SLC47A2: variants seen among roughly 807,000 people sequenced by gnomAD.
The protein encoded by SLC47A2 is solute carrier family 47 member 2.
SLC47A2 carries 52 observed loss-of-function variants against 67.7 expected under a neutral mutation model. The ratio of observed to expected loss-of-function variants is 0.77; its 90% CI spans 0.61 to 0.97. The LOEUF is 0.97. Among genes scored for constraint, SLC47A2 ranks in the 50% least tolerant of loss-of-function variants. SLC47A2 has a pLI of 0.00. For missense variants in SLC47A2, 676 were observed against 712.3 expected, an observed-to-expected ratio of 0.95 and a Z score of 0.58; for synonymous variants, 278 against 292.9, an observed-to-expected ratio of 0.95 and a Z score of 0.52.
chr17:19,701,457 A>C (rs949594276), intron 13 of SLC47A2, among the ~76,000 whole-genome samples: 18 of 152,154 alleles, frequency 1.2e-4, no homozygotes, highest in African/African-American at 3.9e-4. Context: ...ATTTGTAATG[A>C]GTTGGTAATT....
intron 9 of SLC47A2, among the ~76,000 whole-genome samples, chr17:19,705,837 G>GATCCACCCAC (rs1225004969): frequency 7.2e-5 from 11 of 152,178 alleles, no homozygotes; most frequent in African/African-American, 2.7e-4. Flanking sequence ...GGCCTCAAGT[G>GATCCACCCAC]ATCCACCCAC....
At chr17:19,714,910 T>C (rs1286895098) in intron 2 of SLC47A2, 121 bp from the exon 3 acceptor site, 1 of 1,417,856 alleles carries the variant, frequency 7.1e-7, no homozygotes, top group Non-Finnish European at 9.9e-7. Flanking sequence ...GCAGAGGCTC[T>C]GCTCAGCAGC....
intron 11 of SLC47A2, among the ~76,000 whole-genome samples, chr17:19,703,633 T>A (rs1252137988): frequency 1.3e-5 from 2 of 152,178 alleles, no homozygotes; most frequent in African/African-American, 2.4e-5. Context: ...TCAGAGGACA[T>A]GAGTGGCTCC....
chr17:19,713,413 A>AATAATC lies in SLC47A2; in HGVS notation c.443+411_443+412insGATTAT, dbSNP rs1555543133. On this transcript the variant is annotated intron_variant, in intron 4 of 16. Transcript: ENST00000433844. ...AAGTAATAATAATAATAATAATAAT[A>AATAATC]ATCATCATCATCATCATCATCTATA... Among the ~76,000 whole-genome samples, 393 of 147,782 alleles carry AATAATC rather than the reference A, an allele frequency of 2.7e-3. 3 individuals are homozygous for AATAATC. The highest frequency in any genetic ancestry group is 4.3e-3 in the African/African-American group (168 of 39,514).
chr17:19,713,726 A>G, intron 4 of SLC47A2, 99 bp downstream of exon 4: 1 of 1,501,780 alleles, frequency 6.7e-7, no homozygotes, highest in Non-Finnish European at 8.9e-7. Flanking sequence ...CTCGTGGCCT[A>G]GAGAAGCATG....
At chr17:19,688,724 T>C (rs1434150648) in intron 13 of SLC47A2, among the ~76,000 whole-genome samples, 1 of 152,030 alleles carries the variant, frequency 6.6e-6, no homozygotes, top group African/African-American at 2.4e-5. Context: ...CTGGCTAATT[T>C]TTGTATTTTT....
At position 19,678,756 on chromosome 17, in the gene SLC47A2, G is replaced by GCC; in HGVS notation, c.1629_1630dup (p.Ala544GlyfsTer11). ...TGTGGCTGACGCCGCCCCCAGAGCA[G>GCC]CCCCACGGCGGATGACCAGCTGTTT... On this transcript the variant is annotated frameshift_variant, in exon 17 of 17. Coordinates refer to ENST00000433844, the MANE Select transcript of SLC47A2 (RefSeq NM_001099646.3). LOFTEE classifies it low-confidence loss of function (END_TRUNC). 6.2e-7 allele frequency: 1 copy of GCC among 1,614,086 alleles called. No homozygotes were observed. The highest frequency in any genetic ancestry group is 8.5e-7 in the Non-Finnish European group (1 of 1,180,046).
intron 9 of SLC47A2, among the ~76,000 whole-genome samples, chr17:19,706,228 G>C (rs1319268357): frequency 6.6e-6 from 1 of 152,210 alleles, no homozygotes; most frequent in Non-Finnish European, 1.5e-5. Context: ...ACTTCACCGA[G>C]TGCTCTAATG....
chr17:19,708,267 T>TC, intron 7 of SLC47A2, 35 bp downstream of exon 7: 1 of 1,605,132 alleles, frequency 6.2e-7, no homozygotes, highest in Non-Finnish European at 8.5e-7. Flanking sequence ...GTGGGCAGTG[T>TC]CCCCTGACCA....
intron 13 of SLC47A2, among the ~76,000 whole-genome samples, chr17:19,695,515 C>CAAAAAAAA (rs201305334): frequency 4.4e-5 from 4 of 91,394 alleles, no homozygotes; most frequent in Non-Finnish European, 9.1e-5. Flanking sequence ...AAAAAAACAG[C>CAAAAAAAA]AAAAAAAAAA....
At chr17:19,692,894 A>T (rs2085574061) in intron 13 of SLC47A2, among the ~76,000 whole-genome samples, 1 of 152,158 alleles carries the variant, frequency 6.6e-6, no homozygotes, top group South Asian at 2.1e-4. Flanking sequence ...GCACTTTGGG[A>T]GGCCGAGGCA....
chr17:19,678,535 A>G lies in SLC47A2; in HGVS notation c.*151T>C, dbSNP rs2085237749. The stretch of plus-strand genomic sequence containing the variant: ...GTCTGTTCAGACCCCTCTGAGTGTC[A>G]CCACAAGGAATCAGCCAAAGTTCTT... On this transcript the variant is annotated 3_prime_UTR_variant, in exon 17 of 17. Transcript: ENST00000433844. The G allele has an allele frequency of 2.7e-6, 2 of 730,838 alleles. No individual in the cohort carries two copies. Among genetic ancestry groups the G allele is most frequent in the Admixed American group, 2.7e-5 (1 of 37,358 alleles). The allele number at this position is 730,838 out of a possible 1,614,324, so 45.3% of individuals were successfully genotyped here.
intron 13 of SLC47A2, among the ~76,000 whole-genome samples, chr17:19,692,820 A>T (rs1379916709): frequency 6.6e-6 from 1 of 152,204 alleles, no homozygotes; most frequent in Non-Finnish European, 1.5e-5. Context: ...TACAGAAAAT[A>T]TATACACCAT....
At chr17:19,687,700 C>T (rs754951508) in intron 13 of SLC47A2, among the ~76,000 whole-genome samples, 7 of 152,166 alleles carry the variant, frequency 4.6e-5, no homozygotes, top group African/African-American at 9.6e-5. Flanking sequence ...GATTGTTAAA[C>T]GTTACTATGA....
chr17:19,705,289 C>A (rs2085899535), intron 10 of SLC47A2, 147 bp downstream of exon 10: 1 of 708,740 alleles, frequency 1.4e-6, no homozygotes, highest in Non-Finnish European at 2.3e-6. Flanking sequence ...GTAAGCTGAG[C>A]AGGGTCTGGA....
At chr17:19,700,307 T>G (rs2085754714) in intron 13 of SLC47A2, among the ~76,000 whole-genome samples, 1 of 152,128 alleles carries the variant, frequency 6.6e-6, no homozygotes, top group Non-Finnish European at 1.5e-5. Flanking sequence ...AAAATGTAAA[T>G]TAAGAAAAAA....
At chr17:19,686,154 C>G (rs1435930934) in intron 13 of SLC47A2, among the ~76,000 whole-genome samples, 2 of 152,050 alleles carry the variant, frequency 1.3e-5, no homozygotes, top group African/African-American at 4.8e-5. Context: ...CCCAGCTACT[C>G]AGGAGGCTGA....
chr17:19,709,013 CAGAG>C (rs1394054656), intron 5 of SLC47A2, among the ~76,000 whole-genome samples: 3 of 152,236 alleles, frequency 2.0e-5, no homozygotes, highest in Non-Finnish European at 4.4e-5. Context: ...TGCTTTGGCT[CAGAG>C]AGAGTACTCT....
chr17:19,713,996 T>G (rs374864151), intron 3 of SLC47A2, 23 bp from the exon 4 acceptor site: 1 of 1,605,354 alleles, frequency 6.2e-7, no homozygotes, highest in Non-Finnish European at 8.5e-7. Context: ...CCGCCCCGCG[T>G]CAGCCGTTTC....
Sources: gnomAD v4.1 joint callset for allele counts (sites outside exome capture counted in the v4.1 genomes callset) on GRCh38, gnomAD v4.1.1 for gene constraint, MANE v1.5 for transcripts, NCBI Gene and HGNC (gene_info 2026-07-23, HGNC 2026-07-21) for gene names.